Variants in PRKN observed in about 807,000 individuals in gnomAD.
The protein encoded by PRKN is parkin RBR E3 ubiquitin protein ligase.
In PRKN, 56 loss-of-function variants were observed where a neutral mutation model predicts 59.5. The ratio of observed to expected loss-of-function variants is 0.94; its 90% CI spans 0.76 to 1.18. The LOEUF is 1.18. Ranked by LOEUF, PRKN falls within the 50% of genes most tolerant of loss-of-function variation. PRKN has a pLI of 0.00. For synonymous variants in PRKN, 250 were observed against 222.1 expected, an observed-to-expected ratio of 1.13 and a Z score of -1.12; for missense variants, 657 against 596.4, an observed-to-expected ratio of 1.10 and a Z score of -1.06.
chr6:162,526,962 C>T (rs2846504), intron 1 of PRKN, among the ~76,000 whole-genome samples: 71,562 of 151,942 alleles, frequency 0.47, 18,304 homozygotes, highest in Non-Finnish European at 0.58. Flanking sequence ...GACCATCAAG[C>T]ACCAGGGGAA....
chr6:162,065,270 G>A (rs946213568), intron 4 of PRKN, among the ~76,000 whole-genome samples: 2 of 152,160 alleles, frequency 1.3e-5, no homozygotes, highest in Admixed American at 1.3e-4. Flanking sequence ...GCAAACCACT[G>A]GTGTAAATCT....
At position 161,399,008 on chromosome 6, in the gene PRKN, T is replaced by C. The variant is rs1417359499; in HGVS notation, c.1084-12131A>G. 1.3e-5 allele frequency among the ~76,000 whole-genome samples: 2 copies of C among 152,044 alleles called. No homozygotes were observed. The highest frequency in any genetic ancestry group is 4.8e-5 in the African/African-American group (2 of 41,396). ...TGGCCTGTCATGCCCCCCTATCCTG[T>C]CCCTATATAAACTCCAAACCCCAGG... On this transcript the variant is annotated intron_variant, in intron 9 of 11. Transcript: ENST00000366898. This position sits in a 1 kb window ranked among gnomAD's most constrained non-coding sequence, Gnocchi z 4.4.
chr6:162,197,223 T>C (rs1241159986), intron 4 of PRKN, among the ~76,000 whole-genome samples: 2 of 152,208 alleles, frequency 1.3e-5, no homozygotes, highest in African/African-American at 2.4e-5. Context: ...TGGCAAAGTT[T>C]AGCACCTACT....
chr6:162,177,488 A>G (rs1783593763), intron 4 of PRKN, among the ~76,000 whole-genome samples: 3 of 152,158 alleles, frequency 2.0e-5, no homozygotes, highest in Admixed American at 2.0e-4. Context: ...TTTGAAAGCT[A>G]TTTCATTGCT....
At chr6:162,557,371 C>A (rs4527674) in intron 1 of PRKN, among the ~76,000 whole-genome samples, 33,077 of 152,100 alleles carry the variant, frequency 0.22, 4,248 homozygotes, top group African/African-American at 0.35. Context: ...CAACACCATT[C>A]CCCCCAGGGC....
intron 1 of PRKN, among the ~76,000 whole-genome samples, chr6:162,721,130 C>A (rs1223951362): frequency 1.3e-5 from 2 of 152,296 alleles, no homozygotes; most frequent in African/African-American, 4.8e-5. Flanking sequence ...AATTACCCTG[C>A]CATTCTCAGT....
chr6:162,562,223 A>C (rs1005494035), intron 1 of PRKN, among the ~76,000 whole-genome samples: 1 of 152,188 alleles, frequency 6.6e-6, no homozygotes, highest in Non-Finnish European at 1.5e-5. Flanking sequence ...CCTTGAAAGA[A>C]AGGAGCTGGT....
In PRKN at chr6:162,234,701, T is replaced by C. The variant is rs570930828; in HGVS notation, c.412+27824A>G. Among the ~76,000 whole-genome samples, 22 of 152,362 alleles carry C rather than the reference T, an allele frequency of 1.4e-4. No individual in the cohort carries two copies. The South Asian group carries it at 4.6e-3, about 32-fold the overall frequency. On this transcript the variant is annotated intron_variant, in intron 3 of 11. Coordinates refer to ENST00000366898, the MANE Select transcript of PRKN (RefSeq NM_004562.3). Reference sequence around the variant, plus strand: ...TTTTATATTTATTGTTATTTTTTACTGCTTTTCCACCAAGTATTTTTTATG... The same window carrying C: ...TTTTATATTTATTGTTATTTTTTACCGCTTTTCCACCAAGTATTTTTTATG...
chr6:162,112,258 G>T (rs1235518338), intron 4 of PRKN, among the ~76,000 whole-genome samples: 1 of 152,114 alleles, frequency 6.6e-6, no homozygotes, highest in Admixed American at 6.6e-5. Flanking sequence ...TTAAAGACCA[G>T]ACCTCTTCAT....
chr6:161,925,805 C>G (rs1378403621), intron 6 of PRKN, among the ~76,000 whole-genome samples: 1 of 152,066 alleles, frequency 6.6e-6, no homozygotes, highest in Non-Finnish European at 1.5e-5. Context: ...AACAAACAAA[C>G]AACATGGAAG....
At chr6:162,235,895 A>G (rs1778639504) in intron 3 of PRKN, among the ~76,000 whole-genome samples, 2 of 147,750 alleles carry the variant, frequency 1.4e-5, no homozygotes, top group Non-Finnish European at 3.0e-5. Flanking sequence ...GAAAGAAAGA[A>G]AGAAGGAAAG....
At chr6:162,434,297 G>A (rs1789673783) in intron 2 of PRKN, among the ~76,000 whole-genome samples, 1 of 152,136 alleles carries the variant, frequency 6.6e-6, no homozygotes, top group African/African-American at 2.4e-5. Context: ...CAACAATTCA[G>A]TAAATACTTG....
At chr6:162,012,476 C>G (rs1371500237) in intron 5 of PRKN, among the ~76,000 whole-genome samples, 2 of 151,794 alleles carry the variant, frequency 1.3e-5, no homozygotes, top group Non-Finnish European at 2.9e-5. Flanking sequence ...TTTTTCTAAA[C>G]CATTTGAAAG....
intron 4 of PRKN, among the ~76,000 whole-genome samples, chr6:162,134,751 G>A (rs985661155): frequency 2.6e-5 from 4 of 152,146 alleles, no homozygotes; most frequent in African/African-American, 9.7e-5. Context: ...TTGGAAAAAG[G>A]TTTTGATGGA....
intron 3 of PRKN, among the ~76,000 whole-genome samples, chr6:162,224,453 T>A (rs1289508835): frequency 6.6e-6 from 1 of 152,156 alleles, no homozygotes; most frequent in African/African-American, 2.4e-5. Context: ...CTCCATGATG[T>A]TCACACAATG....
At chr6:161,939,178 G>A (rs1281218386) in intron 6 of PRKN, among the ~76,000 whole-genome samples, 2 of 152,074 alleles carry the variant, frequency 1.3e-5, no homozygotes, top group African/African-American at 4.8e-5. Flanking sequence ...AGCATTTTGG[G>A]AGGCTGAGGC....
At chr6:161,929,851 A>G (rs965100209) in intron 6 of PRKN, among the ~76,000 whole-genome samples, 2 of 152,098 alleles carry the variant, frequency 1.3e-5, no homozygotes, top group Non-Finnish European at 2.9e-5. Flanking sequence ...ACACTTCCTA[A>G]AATTATGAAG....
chr6:161,491,722 C>A (rs1172166387), intron 9 of PRKN, among the ~76,000 whole-genome samples: 1 of 152,000 alleles, frequency 6.6e-6, no homozygotes, highest in Non-Finnish European at 1.5e-5. Flanking sequence ...CCTCTGCCTC[C>A]CAGGTTCAAG....
intron 6 of PRKN, among the ~76,000 whole-genome samples, chr6:161,812,543 A>G (rs929018445): frequency 5.9e-5 from 9 of 152,236 alleles, no homozygotes; most frequent in Admixed American, 5.9e-4. Flanking sequence ...AAAACAACCA[A>G]GCAACCAACA....
Sources: allele counts gnomAD v4.1 joint callset (sites outside exome capture counted in the v4.1 genomes callset), GRCh38; gene constraint gnomAD v4.1.1; non-coding constraint Gnocchi (gnomAD v3.1); transcripts MANE v1.5; gene names NCBI Gene and HGNC (gene_info 2026-07-23, HGNC 2026-07-21).